ERP44: variants seen among roughly 807,000 people sequenced by gnomAD.
The protein encoded by ERP44 is endoplasmic reticulum protein 44, also known as endoplasmic reticulum resident protein 44.
ERP44 carries 25 observed loss-of-function variants against 53.4 expected under a neutral mutation model. The ratio of observed to expected loss-of-function variants is 0.47; its 90% confidence interval spans 0.34 to 0.65. The LOEUF is 0.65. Among genes scored for constraint, ERP44 ranks in the 30% least tolerant of loss-of-function variants. The pLI, the probability that ERP44 is intolerant of heterozygous loss-of-function variation, is 0.01. For missense variants in ERP44, 338 were observed against 493.2 expected (o/e 0.69, Z 2.98); for synonymous variants, 145 against 161.2 (o/e 0.90, Z 0.76).
chr9:100,081,667 A>T (rs539516433), intron 1 of ERP44, among the ~76,000 whole-genome samples: 16 of 152,326 alleles, frequency 1.1e-4, no homozygotes, highest in African/African-American at 3.6e-4. Context: ...GTCACTTAAC[A>T]GAAAAAATAT....
chr9:100,063,306 ACT>A (rs1385982067), intron 1 of ERP44, among the ~76,000 whole-genome samples: 2 of 151,626 alleles, frequency 1.3e-5, no homozygotes, highest in African/African-American at 2.4e-5. Flanking sequence ...AAGCAAGAAA[ACT>A]CTCTGACCCA....
At chr9:100,000,084 C>T (rs1037600777) in intron 10 of ERP44, among the ~76,000 whole-genome samples, 1 of 151,966 alleles carries the variant, frequency 6.6e-6, no homozygotes, top group Non-Finnish European at 1.5e-5. Context: ...AAGGATATTA[C>T]CCTGTAATTT....
intron 1 of ERP44, among the ~76,000 whole-genome samples, chr9:100,086,253 T>A: frequency 6.6e-6 from 1 of 152,222 alleles, no homozygotes; most frequent in Non-Finnish European, 1.5e-5. Context: ...GCATATCAAG[T>A]TAGATTTTTA....
chr9:100,094,832 C>T (rs1826605134), intron 1 of ERP44, among the ~76,000 whole-genome samples: 1 of 151,764 alleles, frequency 6.6e-6, no homozygotes, highest in Non-Finnish European at 1.5e-5. Context: ...GGTGTGGTAG[C>T]ACACACCTGT....
intron 1 of ERP44, among the ~76,000 whole-genome samples, chr9:100,067,174 C>G (rs554426726): frequency 1.3e-5 from 2 of 151,874 alleles, no homozygotes; most frequent in East Asian, 1.9e-4. Flanking sequence ...TCTCGCTCTC[C>G]CTCTCCCTCT....
chr9:100,079,020 G>A (rs1257597322), intron 1 of ERP44, among the ~76,000 whole-genome samples: 2 of 152,142 alleles, frequency 1.3e-5, no homozygotes, highest in African/African-American at 2.4e-5. Flanking sequence ...GGGTGGACTT[G>A]TGATGGTTAA....
chr9:100,027,906 C>CA (rs899644714), intron 4 of ERP44, among the ~76,000 whole-genome samples: 34 of 151,954 alleles, frequency 2.2e-4, no homozygotes, highest in African/African-American at 6.0e-4. Flanking sequence ...TCAAAACAAA[C>CA]AAAAAAACCC....
chr9:99,994,655 T>G (rs1830291519), intron 10 of ERP44, among the ~76,000 whole-genome samples: 1 of 150,034 alleles, frequency 6.7e-6, no homozygotes, highest in Non-Finnish European at 1.5e-5. Context: ...AAAGTACAAT[T>G]AAAAAAAAAA....
intron 1 of ERP44, among the ~76,000 whole-genome samples, chr9:100,068,567 T>TG (rs571770866): frequency 2.5e-4 from 21 of 84,538 alleles, no homozygotes; most frequent in South Asian, 9.4e-4. Context: ...GGGAGGGAGG[T>TG]GGGGGGGTCA....
At chr9:100,095,073 T>A (rs1456104577) in intron 1 of ERP44, among the ~76,000 whole-genome samples, 3 of 151,814 alleles carry the variant, frequency 2.0e-5, no homozygotes, top group Non-Finnish European at 1.5e-5. Flanking sequence ...GCTTTACAGA[T>A]TTAGTTTTGG....
At chr9:100,042,563 C>T (rs761038335) in intron 4 of ERP44, among the ~76,000 whole-genome samples, 22 of 152,172 alleles carry the variant, frequency 1.4e-4, no homozygotes, top group Non-Finnish European at 2.9e-4. Context: ...GCTAGGTATA[C>T]ACCCAAAGGA....
At chr9:100,096,384 T>C (rs1311467007) in intron 1 of ERP44, among the ~76,000 whole-genome samples, 3 of 151,660 alleles carry the variant, frequency 2.0e-5, no homozygotes, top group African/African-American at 2.4e-5. Context: ...TAAAAATCTA[T>C]ATAGACGCAA....
chr9:100,061,489 TAA>T (rs1416624102), intron 1 of ERP44, among the ~76,000 whole-genome samples: 1 of 147,286 alleles, frequency 6.8e-6, no homozygotes, highest in African/African-American at 2.5e-5. Context: ...AAAATATGTA[TAA>T]ATATATATTT....
chr9:100,069,106 A>C (rs930627688), intron 1 of ERP44, among the ~76,000 whole-genome samples: 1 of 151,982 alleles, frequency 6.6e-6, no homozygotes, highest in Non-Finnish European at 1.5e-5. Context: ...GCTCCTTAAG[A>C]GTCATCACCA....
At chr9:100,010,824 C>T (rs1830467117) in intron 8 of ERP44, among the ~76,000 whole-genome samples, 1 of 150,122 alleles carries the variant, frequency 6.7e-6, no homozygotes, top group Admixed American at 6.7e-5. Flanking sequence ...TCCCTTGAAC[C>T]TGGGGGGCAG....
chr9:100,064,069 A>C (rs1032654655), intron 1 of ERP44, among the ~76,000 whole-genome samples: 9 of 152,350 alleles, frequency 5.9e-5, no homozygotes, highest in Admixed American at 2.0e-4. Flanking sequence ...AAAAATTTAT[A>C]TCTCTCCCTG....
At chr9:99,991,092 T>C (rs920482533) in intron 10 of ERP44, among the ~76,000 whole-genome samples, 2 of 152,116 alleles carry the variant, frequency 1.3e-5, no homozygotes, top group Non-Finnish European at 2.9e-5. Context: ...CCACTGTCAA[T>C]ATTAGACAGA....
intron 1 of ERP44, among the ~76,000 whole-genome samples, chr9:100,096,128 G>A (rs967512995): frequency 6.6e-6 from 1 of 152,124 alleles, no homozygotes; most frequent in African/African-American, 2.4e-5. Context: ...ATGGACTGCA[G>A]TGCTACAAAT....
At chr9:100,097,693 AG>A (rs1327991836) in intron 1 of ERP44, among the ~76,000 whole-genome samples, 2 of 152,218 alleles carry the variant, frequency 1.3e-5, no homozygotes, top group Non-Finnish European at 2.9e-5. Flanking sequence ...TTTTCCGAAA[AG>A]GTCCAAGTGA....
Sources: gnomAD v4.1 joint callset for allele counts (sites outside exome capture counted in the v4.1 genomes callset) on GRCh38, gnomAD v4.1.1 for gene constraint, MANE v1.5 for transcripts, NCBI Gene and HGNC (gene_info 2026-07-23, HGNC 2026-07-21) for gene names.